The following MYO7B variants were observed in gnomAD, a reference collection of about 807,000 sequenced individuals.
MYO7B encodes the protein unconventional myosin-VIIb.
In MYO7B, 212 loss-of-function variants were observed where a neutral mutation model predicts 259.7. The observed-to-expected ratio is 0.82, with a 90% CI of 0.73 to 0.91. The LOEUF is 0.91. MYO7B is among the 40% of genes least tolerant of loss of function. The pLI is 0.00. For missense variants in MYO7B, 2,732 were observed against 2,813.5 expected (o/e 0.97, Z 0.66); for synonymous variants, 1,197 against 1,166.4 (o/e 1.03, Z -0.54).
chr2:127,565,843 C>T lies in MYO7B; in HGVS notation c.285+458C>T, dbSNP rs549497454. On this transcript the variant is annotated intron_variant, in intron 4 of 47. Transcript: ENST00000409816. ...CAAACCTGGCCTGGATGGAGGTTCA[C>T]TCCAGCCTGAAGCTCTCATCCTGGT... Among the ~76,000 whole-genome samples, 18 of 152,364 alleles carry T rather than the reference C, an allele frequency of 1.2e-4. No homozygotes were observed. The South Asian group carries it at 3.5e-3, about 30-fold the overall frequency.
At chr2:127,544,741 C>T (rs1573604081) in intron 1 of MYO7B, among the ~76,000 whole-genome samples, 1 of 152,094 alleles carries the variant, frequency 6.6e-6, no homozygotes, top group Admixed American at 6.6e-5. Flanking sequence ...CTACCACGCC[C>T]AGCTAATTTT....
chr2:127,538,354 C>A (rs956881698), intron 1 of MYO7B, among the ~76,000 whole-genome samples: 1 of 152,130 alleles, frequency 6.6e-6, no homozygotes, highest in Non-Finnish European at 1.5e-5. Context: ...CCACTAGCCA[C>A]AAGTGGCTGT....
At chr2:127,625,823 T>C (rs1681079802) in intron 31 of MYO7B, among the ~76,000 whole-genome samples, 2 of 152,212 alleles carry the variant, frequency 1.3e-5, no homozygotes, top group Non-Finnish European at 2.9e-5. Flanking sequence ...CCCTCGCTTC[T>C]TGGGATGAGA....
chr2:127,606,497 G>T (rs1003798442), intron 20 of MYO7B, among the ~76,000 whole-genome samples: 3 of 152,228 alleles, frequency 2.0e-5, no homozygotes, highest in Admixed American at 6.5e-5. Flanking sequence ...GACCTGTGTG[G>T]AGCAGTTCCT....
chr2:127,608,935 A>T, intron 22 of MYO7B, 57 bp downstream of exon 22: 1 of 1,558,682 alleles, frequency 6.4e-7, no homozygotes, highest in East Asian at 2.3e-5. Context: ...AAGCCTGCCC[A>T]GTCCGTGAAC....
intron 19 of MYO7B, among the ~76,000 whole-genome samples, chr2:127,599,133 TGTATAGCAA>T (rs1235428732): frequency 6.6e-6 from 1 of 152,234 alleles, no homozygotes; most frequent in East Asian, 1.9e-4. Context: ...GTAATAGGCT[TGTATAGCAA>T]TTTGAGAATT....
chr2:127,616,213 C>T (rs1242876163), intron 26 of MYO7B, among the ~76,000 whole-genome samples: 1 of 152,170 alleles, frequency 6.6e-6, no homozygotes, highest in East Asian at 1.9e-4. Context: ...TTATCCTTCT[C>T]CTGCAATAAC....
rs906228886 is a variant in MYO7B, at chr2:127,553,088, C to T, written c.-23-6612C>T. ...TGCACCCTCACTCATCCATCAAAGC[C>T]GTTGTCAAAGTCACATCCTCTCCAA... On this transcript the variant is annotated intron_variant, in intron 1 of 47. Transcript: ENST00000409816. Among the ~76,000 whole-genome samples the T allele has an allele frequency of 1.8e-4, 27 of 152,216 alleles. 1 individual carries two copies. The highest frequency in any genetic ancestry group is 6.0e-4 in the African/African-American group (25 of 41,456).
At chr2:127,591,733 T>C (rs995896376) in intron 16 of MYO7B, among the ~76,000 whole-genome samples, 5 of 152,188 alleles carry the variant, frequency 3.3e-5, no homozygotes, top group Non-Finnish European at 7.3e-5. Context: ...CCTCAGAGAC[T>C]CCTGGCTTGT....
chr2:127,582,119 C>T (rs1326148958), intron 11 of MYO7B, 109 bp downstream of exon 11: 15 of 1,535,374 alleles, frequency 9.8e-6, no homozygotes, highest in African/African-American at 1.4e-5. Flanking sequence ...GGCAGGTCCC[C>T]ACTCTGCCAG....
At chr2:127,620,554 T>G in intron 27 of MYO7B, 88 bp downstream of exon 27, 1 of 1,362,386 alleles carries the variant, frequency 7.3e-7, no homozygotes, top group South Asian at 1.7e-5. Flanking sequence ...GGTCCACAGA[T>G]TCCAGTACGT....
At chr2:127,593,686 C>A in intron 18 of MYO7B, 42 bp downstream of exon 18, 2 of 1,573,686 alleles carry the variant, frequency 1.3e-6, no homozygotes, top group Non-Finnish European at 1.7e-6. Flanking sequence ...CCTCCTGCAG[C>A]ATGTGGGCTT....
Position 127,635,776 on chromosome 2 carries a change from C to T in MYO7B, c.5875C>T (p.His1959Tyr), listed in dbSNP as rs1441112232. 3 of 1,600,200 alleles carry T rather than the reference C, an allele frequency of 1.9e-6. No homozygotes were observed. Among genetic ancestry groups the T allele is most frequent in the East Asian group, 2.3e-5 (1 of 44,046 alleles). The part of the protein sequence containing the change: ...FHKCSREDAI[H>Y]LAGLIYKAQF... ...CAAGTGTTCGCGGGAGGATGCCATCCACCTGGCGGGCCTCATCTACAAGGC... is the reference window on the plus strand; with the variant it reads ...CAAGTGTTCGCGGGAGGATGCCATCTACCTGGCGGGCCTCATCTACAAGGC... The change falls in exon 44 of 48, where the codon CAC becomes TAC. Residue 1959 changes from histidine (H) to tyrosine (Y), a missense_variant. By Grantham distance (83) the His-to-Tyr change is moderately conservative. Transcript: ENST00000409816.
At chr2:127,623,737 G>T (rs1168440706) in intron 29 of MYO7B, among the ~76,000 whole-genome samples, 1 of 152,096 alleles carries the variant, frequency 6.6e-6, no homozygotes, top group Non-Finnish European at 1.5e-5. Context: ...AACATGGAGG[G>T]TCACACCAGC....
chr2:127,609,418 G>A lies in MYO7B; in HGVS notation c.2815-88G>A, dbSNP rs1417892491. 23 of 1,250,080 alleles carry A rather than the reference G, an allele frequency of 1.8e-5. No individual in the cohort carries two copies. Among genetic ancestry groups the A allele is most frequent in the African/African-American group, 3.0e-5 (2 of 67,290 alleles). 77.4% of individuals were successfully genotyped at this position (1,250,080 alleles called of 1,614,324 possible). On this transcript the variant is annotated intron_variant, in intron 22 of 47. Coordinates refer to ENST00000409816, the MANE Select transcript of MYO7B (RefSeq NM_001393586.1). This position sits in a 1 kb window ranked among gnomAD's most constrained non-coding sequence, Gnocchi z 6.9. ...GGATCAGGGTAATGCAACAGCCCCC[G>A]TGCTGCCCGGCCTGCTGGACAGTCA...
intron 3 of MYO7B, 85 bp from the exon 4 acceptor site, chr2:127,565,148 G>C (rs1051336326): frequency 6.6e-7 from 1 of 1,515,414 alleles, no homozygotes; most frequent in Non-Finnish European, 8.9e-7. Context: ...TCACCTTGCT[G>C]CTGAGAACTT....
intron 18 of MYO7B, 66 bp downstream of exon 18, chr2:127,593,710 C>A: frequency 1.4e-6 from 2 of 1,450,496 alleles, no homozygotes; most frequent in East Asian, 2.3e-5. Flanking sequence ...AGCTCTTGCA[C>A]CAGGCCCGGG....
chr2:127,583,595 C>T (rs749206779), intron 12 of MYO7B, among the ~76,000 whole-genome samples: 5 of 152,248 alleles, frequency 3.3e-5, no homozygotes, highest in Non-Finnish European at 4.4e-5. Flanking sequence ...TGACTTGAGC[C>T]GGGGGTGGTA....
chr2:127,558,412 T>A (rs1267236789), intron 1 of MYO7B, among the ~76,000 whole-genome samples: 2 of 152,228 alleles, frequency 1.3e-5, no homozygotes, highest in Non-Finnish European at 2.9e-5. Context: ...TGTAAACTAG[T>A]ACAGCCACTA....
Sources: gnomAD v4.1 joint callset for allele counts (sites outside exome capture counted in the v4.1 genomes callset) on GRCh38, gnomAD v4.1.1 for gene constraint, Gnocchi (gnomAD v3.1) non-coding constraint, MANE v1.5 for transcripts, NCBI Gene and HGNC (gene_info 2026-07-23, HGNC 2026-07-21) for gene names.